ZC3H12C: variants seen among roughly 807,000 people sequenced by gnomAD.
ZC3H12C encodes probable ribonuclease ZC3H12C.
In ZC3H12C, 20 loss-of-function variants were observed where a neutral mutation model predicts 76.3. The ratio of observed to expected loss-of-function variants is 0.26; its 90% CI spans 0.18 to 0.38. The LOEUF is 0.38. Among genes scored for constraint, ZC3H12C ranks in the 10% least tolerant of loss-of-function variants. ZC3H12C has a pLI of 1.00. For synonymous variants in ZC3H12C, 352 were observed against 399.6 expected (o/e 0.88, Z 1.42); for missense variants, 874 against 1,086.5 (o/e 0.80, Z 2.75).
At chr11:110,103,828 C>T (rs1861266602) in intron 1 of ZC3H12C, among the ~76,000 whole-genome samples, 1 of 152,102 alleles carries the variant, frequency 6.6e-6, no homozygotes, top group South Asian at 2.1e-4. Flanking sequence ...TGGTCTCCAT[C>T]TCCTGACCTC....
chr11:110,098,681 A>C (rs186817396), intron 1 of ZC3H12C, among the ~76,000 whole-genome samples: 75 of 152,356 alleles, frequency 4.9e-4, no homozygotes, highest in Non-Finnish European at 1.0e-3. Context: ...ATTGTGTTAC[A>C]GTTGCCTACA....
chr11:110,153,190 G>T (rs986991000), intron 3 of ZC3H12C, 132 bp downstream of exon 3: 19 of 1,168,868 alleles, frequency 1.6e-5, no homozygotes, highest in Middle Eastern at 2.4e-4. Context: ...GTTGTTTTTT[G>T]TTGTTGTTGT....
Position 110,136,815 on chromosome 11 carries a change from A to G in ZC3H12C, c.174A>G (p.Val58=). The G allele has an allele frequency of 6.2e-7, 1 of 1,613,948 alleles. No individual in the cohort carries two copies. Residue 58 remains valine (V), a synonymous_variant, in exon 2 of 6, where the codon GTA becomes GTG. Transcript: ENST00000278590. ...CTGACCCACAGTTAAGTCCAGCTGTACCTTGGTCAACAGTAGAAAACCCAA... is the reference window on the plus strand; with the variant it reads ...CTGACCCACAGTTAAGTCCAGCTGTGCCTTGGTCAACAGTAGAAAACCCAA... The part of the protein sequence containing the change: ...ESTDPQLSPA[V]PWSTVENPSM...
intron 3 of ZC3H12C, among the ~76,000 whole-genome samples, chr11:110,153,995 C>A (rs1405280929): frequency 6.6e-6 from 1 of 152,074 alleles, no homozygotes; most frequent in East Asian, 1.9e-4. Context: ...AACTGAGGCA[C>A]CCGTGTAAAG....
At chr11:110,143,714 G>C (rs1222583947) in intron 2 of ZC3H12C, among the ~76,000 whole-genome samples, 1 of 152,030 alleles carries the variant, frequency 6.6e-6, no homozygotes, top group Non-Finnish European at 1.5e-5. Flanking sequence ...TATAAAGACG[G>C]GGTCTTGCTA....
chr11:110,118,238 G>A (rs1565252734), intron 1 of ZC3H12C, among the ~76,000 whole-genome samples: 1 of 151,252 alleles, frequency 6.6e-6, no homozygotes, highest in East Asian at 1.9e-4. Context: ...CAAAAGCATG[G>A]ATCAAGAGAT....
chr11:110,152,693 T>G (rs1473370437), intron 2 of ZC3H12C, among the ~76,000 whole-genome samples: 1 of 152,224 alleles, frequency 6.6e-6, no homozygotes, highest in African/African-American at 2.4e-5. Flanking sequence ...TCACTTTTGT[T>G]TCTTCTCTGG....
At chr11:110,113,750 G>A (rs1415300364) in intron 1 of ZC3H12C, among the ~76,000 whole-genome samples, 1 of 152,050 alleles carries the variant, frequency 6.6e-6, no homozygotes, top group Non-Finnish European at 1.5e-5. Flanking sequence ...TTTGTCTTTA[G>A]TATCAAATCC....
intron 1 of ZC3H12C, 173 bp from the exon 2 acceptor site, chr11:110,136,490 C>T: frequency 1.5e-6 from 1 of 647,178 alleles, no homozygotes; most frequent in Non-Finnish European, 2.5e-6. Context: ...ATGACTTCTT[C>T]ATCTGAAAAA....
chr11:110,164,277 G>C lies in ZC3H12C; in HGVS notation c.1256-64G>C. ...CTCTTCTACAAGTTAAAATCATAGG[G>C]CCAAACTGAGTTTTCAGGATCTGAT... is the stretch of plus-strand genomic sequence containing the variant. On this transcript the variant is annotated intron_variant, in intron 5 of 5. Coordinates refer to ENST00000278590, the MANE Select transcript of ZC3H12C (RefSeq NM_033390.2). The surrounding 1 kb of genome is among the most constrained non-coding windows in gnomAD (Gnocchi z 5.7). 1 of 1,416,158 alleles carries C rather than the reference G, an allele frequency of 7.1e-7. No homozygotes were observed. The highest frequency in any genetic ancestry group is 9.4e-7 in the Non-Finnish European group (1 of 1,063,940). The allele number at this position is 1,416,158 out of a possible 1,614,324, so 87.7% of individuals were successfully genotyped here.
At position 110,100,878 on chromosome 11, in the gene ZC3H12C, C is replaced by A. The variant is rs533946271; in HGVS notation, c.21+7446C>A. On this transcript the variant is annotated intron_variant, in intron 1 of 5. Coordinates refer to ENST00000278590, the MANE Select transcript of ZC3H12C (RefSeq NM_033390.2). Reference sequence around the variant, plus strand: ...AGATTCAGGTTCTCTCACTTTACTTCAAAAGCTGGAAATGATTTAGCTTGG... The same window carrying A: ...AGATTCAGGTTCTCTCACTTTACTTAAAAAGCTGGAAATGATTTAGCTTGG... 2.0e-5 allele frequency among the ~76,000 whole-genome samples: 3 copies of A among 152,298 alleles called. No individual in the cohort carries two copies. The East Asian group carries it at 5.8e-4, about 29-fold the overall frequency.
Position 110,165,678 on chromosome 11 carries a change from A to G in ZC3H12C, c.2593A>G (p.Thr865Ala). 6.3e-7 allele frequency: 1 copy of G among 1,597,648 alleles called. No individual in the cohort carries two copies. Among genetic ancestry groups the G allele is most frequent in the South Asian group, 1.1e-5 (1 of 88,118 alleles). The change falls in exon 6 of 6, where the codon ACA becomes GCA. Residue 865 changes from threonine to alanine, a missense_variant. Around this residue, in one of 3 missense-constraint regions of ZC3H12C, gnomAD observed 395 missense variants for 434.4 expected, o/e 0.91. Transcript: ENST00000278590. ...TGTCATGAAAAGGAATCCTCACATG[A>G]CAGACGCCCAGCAGCTCGCCGCAGC... The part of the protein sequence containing the change: ...RIVMKRNPHM[T>A]DAQQLAAAIL...
chr11:110,134,559 T>A (rs1332921575), intron 1 of ZC3H12C, among the ~76,000 whole-genome samples: 1 of 152,170 alleles, frequency 6.6e-6, no homozygotes, highest in African/African-American at 2.4e-5. Flanking sequence ...AATCACAGGG[T>A]GTAAAAATCT....
rs1376719691 is a variant in ZC3H12C at position 110,166,605 on chromosome 11, C to T, written c.*868C>T. 1 of 152,142 alleles carries T rather than the reference C, an allele frequency of 6.6e-6. No homozygotes were observed. The allele number at this position is 152,142 out of a possible 1,614,324, so 9.4% of individuals were successfully genotyped here. On this transcript the variant is annotated 3_prime_UTR_variant, in exon 6 of 6. Coordinates refer to ENST00000278590, the MANE Select transcript of ZC3H12C (RefSeq NM_033390.2). ...AATTGAATTCCTAGATTTCCATTAA[C>T]CTGTATTTTTAATATGTCTGTCTTT...
chr11:110,097,098 T>C (rs1176669018), intron 1 of ZC3H12C, among the ~76,000 whole-genome samples: 1 of 152,256 alleles, frequency 6.6e-6, no homozygotes, highest in African/African-American at 2.4e-5. Flanking sequence ...TGTAATCCCA[T>C]AATCCAGAGA....
chr11:110,163,403 G>A, intron 5 of ZC3H12C, 24 bp downstream of exon 5: 1 of 1,574,978 alleles, frequency 6.3e-7, no homozygotes, highest in Non-Finnish European at 8.7e-7. Context: ...TGAATATTGG[G>A]TATATGCCTT....
intron 2 of ZC3H12C, among the ~76,000 whole-genome samples, chr11:110,151,898 AT>A (rs773838987): frequency 0.012 from 963 of 77,770 alleles, 4 homozygotes; most frequent in Non-Finnish European, 0.023. Context: ...CATATGTTAG[AT>A]GGTTCTAGGG....
intron 2 of ZC3H12C, among the ~76,000 whole-genome samples, chr11:110,149,671 G>T (rs1256327420): frequency 6.6e-6 from 1 of 152,062 alleles, no homozygotes; most frequent in African/African-American, 2.4e-5. Context: ...TATGTTCATT[G>T]GTCATTTGAG....
At chr11:110,131,769 C>T (rs1032544520) in intron 1 of ZC3H12C, 7 of 152,338 alleles carry the variant, frequency 4.6e-5, no homozygotes, top group African/African-American at 1.4e-4. Flanking sequence ...AGACGTGCAT[C>T]TATCAGTTGG....
Sources: allele counts gnomAD v4.1 joint callset (sites outside exome capture counted in the v4.1 genomes callset), GRCh38; gene constraint gnomAD v4.1.1; regional missense constraint gnomAD v4.1.1; non-coding constraint Gnocchi (gnomAD v3.1); transcripts MANE v1.5; gene names NCBI Gene and HGNC (gene_info 2026-07-23, HGNC 2026-07-21).